The following ATP10B variants were observed in gnomAD, a reference collection of about 807,000 sequenced individuals.
The protein encoded by ATP10B is phospholipid-transporting ATPase VB.
ATP10B carries 122 observed loss-of-function variants against 141.2 expected under a neutral mutation model. The observed-to-expected ratio is 0.86, with a 90% confidence interval of 0.75 to 1.00. The LOEUF (loss-of-function observed/expected upper bound fraction) is 1.00, where lower values mean the gene tolerates loss of function less well. Among genes scored for constraint, ATP10B ranks in the 50% least tolerant of loss-of-function variants. The pLI is 0.00. For synonymous variants in ATP10B, 685 were observed against 692.0 expected, an observed-to-expected ratio of 0.99 and a Z score of 0.16; for missense variants, 1,876 against 1,825.3, an observed-to-expected ratio of 1.03 and a Z score of -0.51.
rs68128776 is a variant in ATP10B, at chr5:160,715,688, C to CTTTATTTATTTATTTATTTA, written c.-205+1201_-205+1220dup. ...ACCATTTTGAGAAGAATTTAGCTTG[C>CTTTATTTATTTATTTATTTA]TTTATTTATTTATTTATTTATTTAT... On this transcript the variant is annotated intron_variant, in intron 3 of 25. Transcript: ENST00000327245. 5.3e-3 allele frequency among the ~76,000 whole-genome samples: 750 copies of CTTTATTTATTTATTTATTTA among 141,700 alleles called. 7 individuals are homozygous for CTTTATTTATTTATTTATTTA. Among genetic ancestry groups the CTTTATTTATTTATTTATTTA allele is most frequent in the Non-Finnish European group, 5.9e-3 (387 of 65,726 alleles). 93.0% of individuals were successfully genotyped at this position (141,700 alleles called of 152,430 possible).
chr5:160,651,300 G>A (rs1326002155), intron 7 of ATP10B, among the ~76,000 whole-genome samples: 2 of 152,074 alleles, frequency 1.3e-5, no homozygotes, highest in Non-Finnish European at 2.9e-5. Context: ...GAACAGTCTT[G>A]TAGCTAAGTA....
chr5:160,793,081 TTAAA>T (rs1173839799), intron 1 of ATP10B, among the ~76,000 whole-genome samples: 2 of 152,248 alleles, frequency 1.3e-5, no homozygotes, highest in Admixed American at 6.5e-5. Flanking sequence ...TTCAGAATTC[TTAAA>T]TAATGTTTTG....
chr5:160,627,230 G>A (rs1020762264), intron 13 of ATP10B, among the ~76,000 whole-genome samples: 1 of 152,138 alleles, frequency 6.6e-6, no homozygotes, highest in African/African-American at 2.4e-5. Flanking sequence ...GTATGATATA[G>A]CTGCACCTCT....
rs150184254 is a variant in ATP10B, at chr5:160,570,741, G to A, written c.3751-1058C>T. Among the ~76,000 whole-genome samples, 53 of 152,244 alleles carry A rather than the reference G, an allele frequency of 3.5e-4. No individual in the cohort carries two copies. The East Asian group carries it at 9.3e-3, about 27-fold the overall frequency. Reference sequence around the variant, plus strand: ...CCTCCATTCCTTGGACCCTCCACCCGAGGTATCTTTTTAAGTGCATCCTGT... The same window carrying A: ...CCTCCATTCCTTGGACCCTCCACCCAAGGTATCTTTTTAAGTGCATCCTGT... On this transcript the variant is annotated intron_variant, in intron 24 of 25. Transcript: ENST00000327245.
chr5:160,655,926 T>C (rs1301461999), intron 7 of ATP10B, among the ~76,000 whole-genome samples: 1 of 152,124 alleles, frequency 6.6e-6, no homozygotes, highest in African/African-American at 2.4e-5. Flanking sequence ...GCGGTATCTT[T>C]GAGAGCGAAG....
rs944095002 is a variant in ATP10B, at chr5:160,828,537, C to T, written c.-576+23404G>A. 2.8e-4 allele frequency among the ~76,000 whole-genome samples: 43 copies of T among 151,850 alleles called. 1 individual carries two copies. The highest frequency in any genetic ancestry group is 1.3e-4 in the Non-Finnish European group (9 of 67,874). Reference sequence around the variant, plus strand: ...ATCTCACACCAGTTAGAATGGCAATCATTAAAAAGTCAGGAAACAACAGGT... The same window carrying T: ...ATCTCACACCAGTTAGAATGGCAATTATTAAAAAGTCAGGAAACAACAGGT... On this transcript the variant is annotated intron_variant, in intron 1 of 25. Transcript: ENST00000327245.
chr5:160,886,238 G>A, the ATP10B span, among the ~76,000 whole-genome samples: 1 of 152,170 alleles, frequency 6.6e-6, no homozygotes, highest in African/African-American at 2.4e-5. Context: ...AAAATGACAT[G>A]GGTGCACAGA....
intron 1 of ATP10B, among the ~76,000 whole-genome samples, chr5:160,804,488 G>C (rs1175095137): frequency 2.6e-5 from 4 of 152,186 alleles, no homozygotes; most frequent in Non-Finnish European, 4.4e-5. Context: ...GAATGGATGA[G>C]TACTGACATT....
chr5:160,833,633 AG>A (rs1429377924), intron 1 of ATP10B, among the ~76,000 whole-genome samples: 4 of 152,174 alleles, frequency 2.6e-5, no homozygotes, highest in Admixed American at 2.0e-4. Context: ...CGTTAGAATT[AG>A]AAGACAAATA....
At chr5:160,606,683 G>C (rs1757407679) in intron 19 of ATP10B, 82 bp downstream of exon 19, 3 of 1,407,464 alleles carry the variant, frequency 2.1e-6, no homozygotes, top group African/African-American at 2.8e-5. Flanking sequence ...CTGACTTTGA[G>C]ACCTGACCTC....
the ATP10B span, among the ~76,000 whole-genome samples, chr5:160,923,508 T>G: frequency 0.089 from 13,592 of 152,286 alleles, 782 homozygotes; most frequent in East Asian, 0.12. Flanking sequence ...GAAAGTGTTA[T>G]CATAAATGTG....
chr5:160,615,756 A>T, intron 17 of ATP10B, 82 bp downstream of exon 17: 3 of 1,536,148 alleles, frequency 2.0e-6, no homozygotes, highest in Non-Finnish European at 2.7e-6. Flanking sequence ...ACATATTAGT[A>T]GTGTCAGAAT....
chr5:160,623,357 C>G (rs543477209), intron 13 of ATP10B, among the ~76,000 whole-genome samples: 1 of 152,248 alleles, frequency 6.6e-6, no homozygotes, highest in South Asian at 2.1e-4. Flanking sequence ...GGAAGGTGGG[C>G]CAATGTAGAG....
intron 1 of ATP10B, among the ~76,000 whole-genome samples, chr5:160,816,642 A>C (rs1773657360): frequency 6.6e-6 from 1 of 152,216 alleles, no homozygotes; most frequent in African/African-American, 2.4e-5. Flanking sequence ...ATCCTCCCTA[A>C]CTCATTTTAT....
chr5:160,623,193 C>T (rs116397630), intron 13 of ATP10B, among the ~76,000 whole-genome samples: 164 of 152,304 alleles, frequency 1.1e-3, no homozygotes, highest in African/African-American at 3.8e-3. Context: ...CCTCTTCTAC[C>T]TACCAAAATC....
At chr5:160,606,653 T>G in intron 19 of ATP10B, 112 bp downstream of exon 19, 1 of 1,059,176 alleles carries the variant, frequency 9.4e-7, no homozygotes, top group Non-Finnish European at 1.4e-6. Flanking sequence ...TCTAAGACAA[T>G]GACTCACAGC....
intron 18 of ATP10B, among the ~76,000 whole-genome samples, chr5:160,610,525 G>A (rs548974893): frequency 2.0e-5 from 3 of 152,256 alleles, no homozygotes; most frequent in South Asian, 4.1e-4. Flanking sequence ...ATAAATGTCT[G>A]TTGTTTCAGC....
intron 6 of ATP10B, among the ~76,000 whole-genome samples, chr5:160,682,706 G>A (rs1243258956): frequency 6.6e-6 from 1 of 152,022 alleles, no homozygotes; most frequent in Non-Finnish European, 1.5e-5. Context: ...CAGTAAGGTG[G>A]AAAACAAAAA....
At chr5:160,599,995 CTATTT>C (rs1706186215) in intron 21 of ATP10B, among the ~76,000 whole-genome samples, 2 of 152,126 alleles carry the variant, frequency 1.3e-5, no homozygotes, top group Admixed American at 6.6e-5. Flanking sequence ...GAGGGGCTCT[CTATTT>C]TAACATATTG....
Sources: allele counts gnomAD v4.1 joint callset (sites outside exome capture counted in the v4.1 genomes callset), GRCh38; gene constraint gnomAD v4.1.1; transcripts MANE v1.5; gene names NCBI Gene and HGNC (gene_info 2026-07-23, HGNC 2026-07-21).